UTRN: variants seen among roughly 807,000 people sequenced by gnomAD.
UTRN encodes the protein dystrophin-related protein 1.
In UTRN, 283 loss-of-function variants were observed where a neutral mutation model predicts 463.9. The ratio of observed to expected loss-of-function variants is 0.61; its 90% CI spans 0.55 to 0.67. UTRN has a LOEUF of 0.67. Among genes scored for constraint, UTRN ranks in the 30% least tolerant of loss-of-function variants. The probability of loss-of-function intolerance (pLI) is 0.00; values close to 1 mark genes in which losing one functional copy is unlikely to be tolerated. For missense variants in UTRN, 3,922 were observed against 4,084.3 expected (o/e 0.96, Z 1.08); for synonymous variants, 1,442 against 1,431.5 (o/e 1.01, Z -0.17).
chr6:144,594,216 G>A (rs2128633253), intron 51 of UTRN, among the ~76,000 whole-genome samples: 1 of 152,278 alleles, frequency 6.6e-6, no homozygotes, highest in East Asian at 1.9e-4. Context: ...TTATAAATAG[G>A]GAAGCAGTGC....
intron 60 of UTRN, among the ~76,000 whole-genome samples, chr6:144,780,953 G>A (rs1279723481): frequency 1.3e-5 from 2 of 152,150 alleles, no homozygotes; most frequent in East Asian, 3.9e-4. Flanking sequence ...CCTCTCCAGG[G>A]AGCCTTTTCC....
At chr6:144,331,021 A>G in intron 2 of UTRN, 1 of 985,404 alleles carries the variant, frequency 1.0e-6, no homozygotes, top group Non-Finnish European at 1.2e-6. Context: ...ACAGGCAGGT[A>G]AAGACTCATT....
At chr6:144,421,041 A>G (rs1282820083) in intron 3 of UTRN, among the ~76,000 whole-genome samples, 3 of 152,096 alleles carry the variant, frequency 2.0e-5, no homozygotes, top group Non-Finnish European at 2.9e-5. Flanking sequence ...GAGTCTTGCC[A>G]TGTTGCCCAG....
intron 12 of UTRN, among the ~76,000 whole-genome samples, chr6:144,439,462 C>T (rs1356400454): frequency 1.3e-5 from 2 of 152,024 alleles, no homozygotes; most frequent in Admixed American, 6.6e-5. Context: ...CATTTGAGAA[C>T]ACTATTGATA....
chr6:144,379,069 G>C (rs2114731927), intron 2 of UTRN, among the ~76,000 whole-genome samples: 1 of 152,322 alleles, frequency 6.6e-6, no homozygotes, highest in South Asian at 2.1e-4. Context: ...TCAGTTTTTT[G>C]ATGGGTTAAG....
chr6:144,496,601 T>C (rs1199063342), intron 33 of UTRN, among the ~76,000 whole-genome samples: 1 of 152,234 alleles, frequency 6.6e-6, no homozygotes, highest in East Asian at 1.9e-4. Context: ...GAGATTTTAC[T>C]CTGTGTCAGG....
intron 51 of UTRN, among the ~76,000 whole-genome samples, chr6:144,604,639 C>G (rs779318794): frequency 1.3e-5 from 2 of 151,938 alleles, no homozygotes; most frequent in African/African-American, 4.8e-5. Context: ...AAAGGCCAGG[C>G]GTGGTGACTC....
chr6:144,599,981 A>G (rs1030349342), intron 51 of UTRN, among the ~76,000 whole-genome samples: 10 of 152,110 alleles, frequency 6.6e-5, no homozygotes, highest in African/African-American at 2.2e-4. Context: ...CTTTTTCATT[A>G]TTATTATATA....
At chr6:144,532,218 G>A (rs1424539881) in intron 42 of UTRN, among the ~76,000 whole-genome samples, 1 of 152,126 alleles carries the variant, frequency 6.6e-6, no homozygotes, top group African/African-American at 2.4e-5. Flanking sequence ...AATTTGACTT[G>A]AAAATATTCA....
chr6:144,347,837 G>GTTTTTTTTTTGTTTTT (rs1777720200), intron 2 of UTRN, among the ~76,000 whole-genome samples: 1 of 128,902 alleles, frequency 7.8e-6, no homozygotes, highest in African/African-American at 3.4e-5. Context: ...CTTATTCTTT[G>GTTTTTTTTTTGTTTTT]TTTTTTTTTT....
At chr6:144,508,101 G>T (rs1794840415) in intron 34 of UTRN, among the ~76,000 whole-genome samples, 1 of 152,166 alleles carries the variant, frequency 6.6e-6, no homozygotes, top group African/African-American at 2.4e-5. Flanking sequence ...CCAAGCTCCA[G>T]CATTCCAGGT....
chr6:144,328,700 A>C (rs1776135029), intron 2 of UTRN, among the ~76,000 whole-genome samples: 1 of 152,148 alleles, frequency 6.6e-6, no homozygotes. Context: ...CATGATAGTG[A>C]TCTGTTAATA....
rs1782491302 is a variant in UTRN at position 144,851,657 on chromosome 6, A to T, written c.*660A>T. On this transcript the variant is annotated 3_prime_UTR_variant, in exon 75 of 75. Transcript: ENST00000367545. ...TGTGTATGCCGTTTAACTTTATTTG[A>T]CGTTGCCCACTTACTTCTTTGCTGA... 1 of 152,154 alleles carries T rather than the reference A, an allele frequency of 6.6e-6. No homozygotes were observed. The highest frequency in any genetic ancestry group is 2.1e-4 in the South Asian group (1 of 4,830). The allele number at this position is 152,154 out of a possible 1,614,324, so 9.4% of individuals were successfully genotyped here. A position where few individuals can be genotyped will look rare whatever the true frequency, so the allele number is the denominator to read the frequency against.
intron 54 of UTRN, among the ~76,000 whole-genome samples, chr6:144,733,839 C>G (rs952018617): frequency 2.6e-5 from 4 of 152,122 alleles, no homozygotes; most frequent in African/African-American, 9.7e-5. Context: ...CAGCCCAGTC[C>G]TGTTGGATAT....
chr6:144,777,383 G>A (rs947646667), intron 60 of UTRN, among the ~76,000 whole-genome samples: 1 of 152,086 alleles, frequency 6.6e-6, no homozygotes, highest in African/African-American at 2.4e-5. Flanking sequence ...GTACCACTCT[G>A]TTCCATTTAT....
chr6:144,465,989 G>A (rs994728603), intron 23 of UTRN, among the ~76,000 whole-genome samples: 7 of 152,304 alleles, frequency 4.6e-5, no homozygotes, highest in African/African-American at 1.4e-4. Context: ...AATACTTACA[G>A]TGAACATTTA....
chr6:144,657,595 C>A lies in UTRN; in HGVS notation c.7480-20811C>A, dbSNP rs115105180. Among the ~76,000 whole-genome samples, 1,114 of 152,242 alleles carry A rather than the reference C, an allele frequency of 7.3e-3. 15 individuals carry two copies. The highest frequency in any genetic ancestry group is 0.026 in the African/African-American group (1,067 of 41,546). On this transcript the variant is annotated intron_variant, in intron 51 of 74. Transcript: ENST00000367545. ...CCTCATCTTTATGCCTTGTGTTTAA[C>A]CTTGGGTGTGGATACAAGATATGTG...
chr6:144,455,053 A>G (rs1220888884), intron 19 of UTRN, among the ~76,000 whole-genome samples: 1 of 147,918 alleles, frequency 6.8e-6, no homozygotes, highest in East Asian at 1.9e-4. Flanking sequence ...TGTATACTGG[A>G]TATGTGTATA....
intron 50 of UTRN, among the ~76,000 whole-genome samples, chr6:144,561,176 T>G (rs1799829974): frequency 7.0e-6 from 1 of 143,592 alleles, no homozygotes; most frequent in African/African-American, 2.5e-5. Flanking sequence ...TAGCTGTATA[T>G]ATTTTGGCAC....
Sources: gnomAD v4.1 joint callset for allele counts (sites outside exome capture counted in the v4.1 genomes callset) on GRCh38, gnomAD v4.1.1 for gene constraint, MANE v1.5 for transcripts, NCBI Gene and HGNC (gene_info 2026-07-23, HGNC 2026-07-21) for gene names.